MRE11: variants seen among roughly 807,000 people sequenced by gnomAD.
MRE11 encodes MRE11 double strand break repair nuclease, also known as double-strand break repair protein MRE11.
In MRE11, 62 loss-of-function variants were observed where a neutral mutation model predicts 91.7. The ratio of observed to expected loss-of-function variants is 0.68; its 90% CI spans 0.55 to 0.84. MRE11 has a LOEUF of 0.84. Ranked by LOEUF, MRE11 falls within the 40% of genes least tolerant of loss-of-function variation. MRE11 has a pLI of 0.00. For synonymous variants in MRE11, 273 were observed against 271.4 expected (o/e 1.01, Z -0.06); for missense variants, 796 against 852.9 (o/e 0.93, Z 0.83).
intron 14 of MRE11, among the ~76,000 whole-genome samples, chr11:94,451,183 G>A (rs1426279257): frequency 1.3e-5 from 2 of 151,570 alleles, no homozygotes; most frequent in Non-Finnish European, 1.5e-5. Context: ...ACCCTGTCTC[G>A]AAAAAAAGAA....
intron 19 of MRE11, among the ~76,000 whole-genome samples, chr11:94,424,822 A>G (rs1266439389): frequency 6.6e-6 from 1 of 151,748 alleles, no homozygotes; most frequent in Non-Finnish European, 1.5e-5. Flanking sequence ...GAAGAATGGA[A>G]AAAAAAAACC....
At position 94,418,220 on chromosome 11, in the gene MRE11, G is replaced by A. The variant is rs1242431606; in HGVS notation, c.*1905C>T. 1.3e-5 allele frequency: 3 copies of A among 232,880 alleles called. No individual in the cohort carries two copies. Among genetic ancestry groups the A allele is most frequent in the Non-Finnish European group, 2.5e-5 (3 of 117,984 alleles). The allele number at this position is 232,880 out of a possible 1,614,324, so 14.4% of individuals were successfully genotyped here. On this transcript the variant is annotated 3_prime_UTR_variant, in exon 20 of 20. Coordinates refer to ENST00000323929, the MANE Select transcript of MRE11 (RefSeq NM_005591.4). The stretch of plus-strand genomic sequence containing the variant: ...TATTCAATCAAAAAAAGGTTTCCCT[G>A]TCACGTTTTATTTACCATATTTTCA...
At chr11:94,445,985 T>C (rs747714993) in intron 15 of MRE11, 92 bp from the exon 16 acceptor site, 68 of 944,362 alleles carry the variant, frequency 7.2e-5, no homozygotes, top group Non-Finnish European at 1.1e-4. Flanking sequence ...AATAAACTTA[T>C]GTCAAATAGT....
intron 19 of MRE11, among the ~76,000 whole-genome samples, chr11:94,420,757 G>A (rs1283538797): frequency 6.6e-6 from 1 of 151,968 alleles, no homozygotes; most frequent in South Asian, 2.1e-4. Context: ...TGCTGGCCGG[G>A]CGCGGTGGCT....
At chr11:94,472,202 G>A (rs1427129902) in intron 7 of MRE11, among the ~76,000 whole-genome samples, 4 of 152,076 alleles carry the variant, frequency 2.6e-5, no homozygotes, top group African/African-American at 9.6e-5. Flanking sequence ...TATAATGGGA[G>A]TAAAAACATC....
At chr11:94,485,252 A>C (rs1168519364) in intron 4 of MRE11, among the ~76,000 whole-genome samples, 3 of 143,486 alleles carry the variant, frequency 2.1e-5, no homozygotes, top group Admixed American at 7.1e-5. Flanking sequence ...AGACTCCATC[A>C]AAAAAAAAAA....
Position 94,478,879 on chromosome 11 carries a change from A to G in MRE11, c.403-3T>C. ...TCCAAGGCACAAAGTGCATCTGCCT[A>G]TGCAAAATAATTTCAAAGAATGTTA... On this transcript the variant is annotated splice_polypyrimidine_tract_variant and splice_region_variant and intron_variant, in intron 5 of 19. Transcript: ENST00000323929. 1.2e-6 allele frequency: 2 copies of G among 1,613,604 alleles called. No individual in the cohort carries two copies. The highest frequency in any genetic ancestry group is 8.5e-7 in the Non-Finnish European group (1 of 1,179,796).
chr11:94,469,595 A>G (rs1473304891), intron 9 of MRE11, among the ~76,000 whole-genome samples: 1 of 152,130 alleles, frequency 6.6e-6, no homozygotes, highest in Non-Finnish European at 1.5e-5. Flanking sequence ...ACAAGCGTAC[A>G]CTTTTGGTTA....
In MRE11 at chr11:94,418,564, T is replaced by C; in HGVS notation, c.*1561A>G. ...CCAGCATGGCTTGTGCAGGGGTAGG[T>C]AGCACAGCATCATCCAGACACTGCC... On this transcript the variant is annotated 3_prime_UTR_variant, in exon 20 of 20. Coordinates refer to ENST00000323929, the MANE Select transcript of MRE11 (RefSeq NM_005591.4). 1 of 232,754 alleles carries C rather than the reference T, an allele frequency of 4.3e-6. No individual in the cohort carries two copies. The highest frequency in any genetic ancestry group is 8.5e-6 in the Non-Finnish European group (1 of 117,752). 14.4% of individuals were successfully genotyped at this position (232,754 alleles called of 1,614,324 possible). A position where few individuals can be genotyped will look rare whatever the true frequency, so the allele number is the denominator to read the frequency against.
chr11:94,507,837 C>T, the MRE11 span, among the ~76,000 whole-genome samples: 5 of 152,022 alleles, frequency 3.3e-5, no homozygotes, highest in East Asian at 3.9e-4. Context: ...GATGTGTGCA[C>T]GTTTCCTATT....
chr11:94,427,991 T>A (rs1945370307), intron 19 of MRE11, among the ~76,000 whole-genome samples: 1 of 152,124 alleles, frequency 6.6e-6, no homozygotes, highest in South Asian at 2.1e-4. Flanking sequence ...TTCAACGCTA[T>A]CCCTATCAAA....
At chr11:94,496,190 A>C (rs906845119), upstream of MRE11, among the ~76,000 whole-genome samples, 26 of 152,278 alleles carry the variant, frequency 1.7e-4, no homozygotes, top group African/African-American at 5.8e-4. Context: ...TGATTCTTCG[A>C]AATAGTATTT....
intron 14 of MRE11, among the ~76,000 whole-genome samples, chr11:94,452,498 T>C (rs573068876): frequency 3.0e-4 from 45 of 152,300 alleles, no homozygotes; most frequent in African/African-American, 9.4e-4. Flanking sequence ...TTTGGACTAA[T>C]GTGGCAGTAT....
At chr11:94,470,020 T>C (rs971609705) in intron 9 of MRE11, among the ~76,000 whole-genome samples, 1 of 152,074 alleles carries the variant, frequency 6.6e-6, no homozygotes, top group African/African-American at 2.4e-5. Flanking sequence ...ATAGGGTGGA[T>C]AGCAAACACA....
intron 19 of MRE11, among the ~76,000 whole-genome samples, chr11:94,420,493 G>T (rs1945142113): frequency 6.6e-6 from 1 of 151,992 alleles, no homozygotes; most frequent in South Asian, 2.1e-4. Flanking sequence ...TTTATATTTG[G>T]TTTTTGAATA....
chr11:94,423,247 C>A (rs11020779), intron 19 of MRE11, among the ~76,000 whole-genome samples: 12,228 of 152,172 alleles, frequency 0.08, 602 homozygotes, highest in South Asian at 0.18. Flanking sequence ...AGGGCTGGTT[C>A]TTGGCCTTGA....
chr11:94,491,540 A>T (rs1432796511), intron 2 of MRE11, among the ~76,000 whole-genome samples: 6 of 152,224 alleles, frequency 3.9e-5, no homozygotes, highest in African/African-American at 1.4e-4. Context: ...GCAATGTAAT[A>T]GTTATTAATA....
intron 8 of MRE11, among the ~76,000 whole-genome samples, chr11:94,471,277 A>T (rs1946702251): frequency 6.6e-6 from 1 of 152,070 alleles, no homozygotes; most frequent in African/African-American, 2.4e-5. Flanking sequence ...GAACTTTGTG[A>T]AATTAGTAAT....
At chr11:94,445,583 C>T (rs1945903417) in intron 16 of MRE11, among the ~76,000 whole-genome samples, 1 of 152,224 alleles carries the variant, frequency 6.6e-6, no homozygotes, top group South Asian at 2.1e-4. Flanking sequence ...GCTGGGATTA[C>T]AGGTGTGATC....
Sources: allele counts gnomAD v4.1 joint callset (sites outside exome capture counted in the v4.1 genomes callset), GRCh38; gene constraint gnomAD v4.1.1; transcripts MANE v1.5; gene names NCBI Gene and HGNC (gene_info 2026-07-23, HGNC 2026-07-21).